Variants in KIAA0319L observed in about 807,000 individuals in gnomAD.
The protein encoded by KIAA0319L is dyslexia-associated protein KIAA0319-like protein.
In KIAA0319L, 55 loss-of-function variants were observed where a neutral mutation model predicts 120.1. The ratio of observed to expected loss-of-function variants is 0.46; its 90% CI spans 0.37 to 0.57. KIAA0319L has a LOEUF of 0.57. KIAA0319L is among the 20% of genes least tolerant of loss of function. The probability of loss-of-function intolerance (pLI) is 0.00; values close to 1 mark genes in which losing one functional copy is unlikely to be tolerated. For synonymous variants in KIAA0319L, 398 were observed against 471.9 expected (o/e 0.84, Z 2.03); for missense variants, 1,049 against 1,255.3 (o/e 0.84, Z 2.48).
intron 20 of KIAA0319L, chr1:35,435,345 G>A (rs1437493637): frequency 2.5e-6 from 1 of 405,642 alleles, no homozygotes; most frequent in Non-Finnish European, 4.4e-6. Flanking sequence ...GTATCCATGA[G>A]CTTTGGTTCA....
At chr1:35,512,100 T>C (rs928296804) in intron 2 of KIAA0319L, among the ~76,000 whole-genome samples, 5 of 151,730 alleles carry the variant, frequency 3.3e-5, no homozygotes, top group African/African-American at 1.2e-4. Context: ...CAAAACCCCG[T>C]CACTACTAAA....
At chr1:35,514,364 T>TAA (rs565871208) in intron 2 of KIAA0319L, among the ~76,000 whole-genome samples, 36 of 140,974 alleles carry the variant, frequency 2.6e-4, no homozygotes, top group East Asian at 1.2e-3. Flanking sequence ...TGCTAGGGAT[T>TAA]AAAAAAAAAA....
At chr1:35,467,811 C>T (rs1472541415) in intron 6 of KIAA0319L, among the ~76,000 whole-genome samples, 2 of 152,026 alleles carry the variant, frequency 1.3e-5, no homozygotes. Flanking sequence ...GCCTTAGCCT[C>T]CCAAGTAGCT....
At chr1:35,452,521 G>A (rs1642138765) in intron 12 of KIAA0319L, among the ~76,000 whole-genome samples, 6 of 152,178 alleles carry the variant, frequency 3.9e-5, no homozygotes, top group Admixed American at 3.9e-4. Context: ...ACTTTGTTTT[G>A]CCTTTTAAAG....
In KIAA0319L at chr1:35,479,107, G is replaced by T; in HGVS notation, c.772C>A (p.Leu258Ile). The T allele has an allele frequency of 6.2e-7, 1 of 1,614,190 alleles. No homozygotes were observed. Among genetic ancestry groups the T allele is most frequent in the Non-Finnish European group, 8.5e-7 (1 of 1,180,024 alleles). ...VSVQPEISEG[L>I]ATTPSTQQVK... ...TGTTGAGTGCTGGGCGTAGTAGCAA[G>T]ACCCTCTGATATTTCAGGTTGCACT... Residue 258 changes from leucine (L) to isoleucine (I), a missense_variant, in exon 4 of 21, where the codon CTT becomes ATT. Leu to Ile is a conservative substitution (Grantham distance 5, BLOSUM62 2). Transcript: ENST00000325722.
intron 5 of KIAA0319L, among the ~76,000 whole-genome samples, chr1:35,472,592 G>C (rs1643690859): frequency 6.6e-6 from 1 of 151,992 alleles, no homozygotes; most frequent in African/African-American, 2.4e-5. Flanking sequence ...ACCACGCCCA[G>C]CCGGACAGTG....
In KIAA0319L at chr1:35,506,195, G is replaced by T. The variant is rs1645197209; in HGVS notation, c.666+417C>A. 2.0e-5 allele frequency among the ~76,000 whole-genome samples: 3 copies of T among 152,300 alleles called. No homozygotes were observed. In the South Asian group the frequency reaches 6.2e-4, roughly 32 times the overall value. On this transcript the variant is annotated intron_variant, in intron 3 of 20. Coordinates refer to ENST00000325722, the MANE Select transcript of KIAA0319L (RefSeq NM_024874.5). The surrounding 1 kb of genome is among the most constrained non-coding windows in gnomAD (Gnocchi z 4.0). ...TACCAAGCATGGTTAATTCTGACTG[G>T]AATAGAAACTACCTCATAAAGAATG...
chr1:35,484,804 A>ATTT (rs1446424002), intron 3 of KIAA0319L, among the ~76,000 whole-genome samples: 31 of 43,660 alleles, frequency 7.1e-4, no homozygotes, highest in East Asian at 9.0e-4. Flanking sequence ...ATATATATAT[A>ATTT]TATTTTTTTT....
chr1:35,477,492 C>CT (rs1558408521), intron 4 of KIAA0319L, among the ~76,000 whole-genome samples: 1 of 151,926 alleles, frequency 6.6e-6, no homozygotes, highest in Non-Finnish European at 1.5e-5. Context: ...ACGGTGAAAC[C>CT]GCATCTCTAC....
chr1:35,485,661 A>G (rs191541674), intron 3 of KIAA0319L, among the ~76,000 whole-genome samples: 126 of 152,270 alleles, frequency 8.3e-4, no homozygotes, highest in South Asian at 3.7e-3. Context: ...AGGCACTGCA[A>G]CCTTCAGCTA....
intron 2 of KIAA0319L, among the ~76,000 whole-genome samples, chr1:35,529,626 A>G (rs192679489): frequency 6.6e-6 from 1 of 152,330 alleles, no homozygotes; most frequent in Admixed American, 6.5e-5. Context: ...CACTTTGAAT[A>G]TATCATCTCA....
chr1:35,456,176 G>A lies in KIAA0319L; in HGVS notation c.1493C>T (p.Ala498Val), dbSNP rs748254711. 1.2e-6 allele frequency: 2 copies of A among 1,613,162 alleles called. No individual in the cohort carries two copies. Among genetic ancestry groups the A allele is most frequent in the Admixed American group, 1.7e-5 (1 of 59,952 alleles). The change falls in exon 10 of 21, where the codon GCT (alanine) becomes GTT (valine). Residue 498 changes from alanine to valine, a missense_variant. Coordinates refer to ENST00000325722, the MANE Select transcript of KIAA0319L (RefSeq NM_024874.5). ...GTTGGCCACAGGGGGGTAATCCACAGCTTTGTTCACTGTCAGGTTTGCAGT... is the reference window on the plus strand; with the variant it reads ...GTTGGCCACAGGGGGGTAATCCACAACTTTGTTCACTGTCAGGTTTGCAGT... ...STTANLTVNK[A>V]VDYPPVANAG...
At chr1:35,502,515 C>T (rs1449289219) in intron 3 of KIAA0319L, among the ~76,000 whole-genome samples, 2 of 151,140 alleles carry the variant, frequency 1.3e-5, no homozygotes, top group South Asian at 2.1e-4. Flanking sequence ...TCATTTAACA[C>T]GTTCTTTGAG....
intron 2 of KIAA0319L, among the ~76,000 whole-genome samples, chr1:35,511,868 C>T (rs1461241470): frequency 6.6e-6 from 1 of 152,196 alleles, no homozygotes; most frequent in Non-Finnish European, 1.5e-5. Flanking sequence ...TATCCCCCCT[C>T]ATAACTTAAG....
chr1:35,443,238 C>T, intron 17 of KIAA0319L: 1 of 554,942 alleles, frequency 1.8e-6, no homozygotes, highest in Non-Finnish European at 3.2e-6. Context: ...ACACTTCCAG[C>T]CTGTCTTCAC....
At chr1:35,450,582 G>C in intron 13 of KIAA0319L, 73 bp from the exon 14 acceptor site, 14 of 1,438,330 alleles carry the variant, frequency 9.7e-6, no homozygotes, top group Non-Finnish European at 1.3e-5. Context: ...GATGCTTATG[G>C]GGAAATTAAA....
rs752417742 is a variant in KIAA0319L at position 35,506,903 on chromosome 1, A to T, written c.375T>A (p.Asn125Lys). ...SCRAFRTHSS[N>K]SMLVFLKKFQ... ...ATTTTTTTAAAAACACCAGCATGGA[A>T]TTGGAGGAGTGTGTCCTAAAAGCCC... The change falls in exon 3 of 21, where the codon AAT becomes AAA. Residue 125 changes from asparagine (N) to lysine (K), a missense_variant. Coordinates refer to ENST00000325722, the MANE Select transcript of KIAA0319L (RefSeq NM_024874.5). The surrounding 1 kb of genome is among the most constrained non-coding windows in gnomAD (Gnocchi z 4.0). 1.2e-5 allele frequency: 19 copies of T among 1,614,202 alleles called. No homozygotes were observed. The Middle Eastern group carries it at 4.9e-4, about 42-fold the overall frequency.
At chr1:35,495,270 G>A (rs1020769345) in intron 3 of KIAA0319L, among the ~76,000 whole-genome samples, 4 of 152,188 alleles carry the variant, frequency 2.6e-5, no homozygotes, top group African/African-American at 9.7e-5. Context: ...CTACTTGGGA[G>A]GGTGAGGCAG....
Position 35,434,850 on chromosome 1 carries a change from C to G in KIAA0319L, c.*44G>C. The G allele has an allele frequency of 6.5e-7, 1 of 1,541,048 alleles. No individual in the cohort carries two copies. The highest frequency in any genetic ancestry group is 8.8e-7 in the Non-Finnish European group (1 of 1,130,942). On this transcript the variant is annotated 3_prime_UTR_variant, in exon 21 of 21. Coordinates refer to ENST00000325722, the MANE Select transcript of KIAA0319L (RefSeq NM_024874.5). The stretch of plus-strand genomic sequence containing the variant: ...AGACTCGGGAGGTAGGAGGACTGGC[C>G]GGGCAGTGTGCTGGGCCCTGCCCTG...
Sources: allele counts gnomAD v4.1 joint callset (sites outside exome capture counted in the v4.1 genomes callset), GRCh38; gene constraint gnomAD v4.1.1; non-coding constraint Gnocchi (gnomAD v3.1); transcripts MANE v1.5; gene names NCBI Gene and HGNC (gene_info 2026-07-23, HGNC 2026-07-21).